Variants in STXBP5L observed in about 807,000 individuals in gnomAD.
STXBP5L encodes syntaxin binding protein 5L, also known as syntaxin-binding protein 5-like.
Under a neutral mutation model 144.5 loss-of-function variants are expected in STXBP5L, and 65 were observed. The observed-to-expected ratio is 0.45, with a 90% CI of 0.37 to 0.55. The LOEUF is 0.55. STXBP5L is among the 20% of genes least tolerant of loss of function. The pLI, the probability that STXBP5L is intolerant of heterozygous loss-of-function variation, is 0.00. For synonymous variants in STXBP5L, 505 were observed against 469.6 expected, an observed-to-expected ratio of 1.08 and a Z score of -0.97; for missense variants, 1,298 against 1,405.5, an observed-to-expected ratio of 0.92 and a Z score of 1.22.
At chr3:121,356,119 G>C (rs35335914) in intron 20 of STXBP5L, among the ~76,000 whole-genome samples, 71,285 of 152,162 alleles carry the variant, frequency 0.47, 17,170 homozygotes, top group East Asian at 0.71. Context: ...TCTACTGGGA[G>C]GTGTCTGCCA....
chr3:120,988,373 A>G (rs1312933484), intron 3 of STXBP5L, among the ~76,000 whole-genome samples: 2 of 151,800 alleles, frequency 1.3e-5, no homozygotes, highest in Non-Finnish European at 2.9e-5. Flanking sequence ...AGCTCCTTAG[A>G]AGTGTACTAA....
At chr3:121,272,545 T>C (rs1006642596) in intron 18 of STXBP5L, among the ~76,000 whole-genome samples, 2 of 152,214 alleles carry the variant, frequency 1.3e-5, no homozygotes, top group East Asian at 3.8e-4. Context: ...CAGCATATAG[T>C]TGGATCTTAA....
rs534986812 is a variant in STXBP5L at position 120,958,851 on chromosome 3, G to A, written c.287+3814G>A. 7.7e-3 allele frequency among the ~76,000 whole-genome samples: 1,178 copies of A among 152,252 alleles called. 8 individuals carry two copies. Among genetic ancestry groups the A allele is most frequent in the Middle Eastern group, 0.017 (5 of 294 alleles). On this transcript the variant is annotated intron_variant, in intron 3 of 26. Transcript: ENST00000471454. ...TCCCTTTGAAAACTGGCACAAGACA[G>A]GGATGCCCTCTCTCACCACTCCTAT...
intron 18 of STXBP5L, among the ~76,000 whole-genome samples, chr3:121,261,700 C>T (rs2050386991): frequency 6.6e-6 from 1 of 152,076 alleles, no homozygotes; most frequent in Admixed American, 6.6e-5. Context: ...ACAAAAACAT[C>T]TGATAAAATT....
At chr3:121,197,473 A>G (rs541236500) in intron 9 of STXBP5L, among the ~76,000 whole-genome samples, 1 of 152,124 alleles carries the variant, frequency 6.6e-6, no homozygotes, top group Non-Finnish European at 1.5e-5. Flanking sequence ...GAATATTTTT[A>G]AAAAATTTAA....
chr3:121,113,571 A>C (rs2044092936), intron 5 of STXBP5L, among the ~76,000 whole-genome samples: 1 of 152,112 alleles, frequency 6.6e-6, no homozygotes, highest in African/African-American at 2.4e-5. Context: ...ATAATATATG[A>C]AGTTTGGTTC....
At chr3:121,106,095 C>T (rs979407619) in intron 5 of STXBP5L, among the ~76,000 whole-genome samples, 5 of 152,090 alleles carry the variant, frequency 3.3e-5, no homozygotes, top group African/African-American at 9.7e-5. Context: ...ATTTTTCTTA[C>T]TGTAATTAAT....
At chr3:121,120,494 G>A (rs1001821121) in intron 6 of STXBP5L, among the ~76,000 whole-genome samples, 2 of 151,110 alleles carry the variant, frequency 1.3e-5, no homozygotes, top group East Asian at 3.9e-4. Context: ...TGCACACTAT[G>A]TTTTGCCATA....
chr3:121,210,122 C>G (rs1216516801), intron 10 of STXBP5L, among the ~76,000 whole-genome samples: 1 of 151,998 alleles, frequency 6.6e-6, no homozygotes, highest in Non-Finnish European at 1.5e-5. Flanking sequence ...TAATGATCGC[C>G]ATTCTAACTG....
chr3:121,168,360 G>A (rs1411997098), intron 9 of STXBP5L, among the ~76,000 whole-genome samples: 1 of 152,170 alleles, frequency 6.6e-6, no homozygotes, highest in East Asian at 1.9e-4. Context: ...GACAGAAGTA[G>A]GCTTCAGGAG....
chr3:121,250,681 AT>A (rs1368487263), intron 14 of STXBP5L, 41 bp from the exon 15 acceptor site: 1 of 1,504,224 alleles, frequency 6.6e-7, no homozygotes, highest in African/African-American at 1.4e-5. Context: ...TATGATTTTT[AT>A]TTAGTATACT....
chr3:121,077,836 A>T (rs1313945871), intron 5 of STXBP5L, among the ~76,000 whole-genome samples: 1 of 152,176 alleles, frequency 6.6e-6, no homozygotes, highest in Non-Finnish European at 1.5e-5. Flanking sequence ...CGATTGGTGC[A>T]TTCACAAACC....
At chr3:120,990,210 T>G (rs953260035) in intron 3 of STXBP5L, among the ~76,000 whole-genome samples, 2 of 152,188 alleles carry the variant, frequency 1.3e-5, no homozygotes, top group Non-Finnish European at 2.9e-5. Context: ...CATTCACAAT[T>G]GCTTCAAAGA....
At chr3:121,120,732 A>G (rs1433716585) in intron 6 of STXBP5L, among the ~76,000 whole-genome samples, 1 of 151,190 alleles carries the variant, frequency 6.6e-6, no homozygotes, top group Admixed American at 6.6e-5. Context: ...TAAGATTTAA[A>G]TCTTCTTCAT....
intron 11 of STXBP5L, among the ~76,000 whole-genome samples, chr3:121,228,453 C>T (rs2049191660): frequency 6.6e-6 from 1 of 152,106 alleles, no homozygotes; most frequent in South Asian, 2.1e-4. Flanking sequence ...AAAAGTAAAA[C>T]CAGAGAAACT....
chr3:121,033,829 A>C (rs1946558516), intron 3 of STXBP5L, among the ~76,000 whole-genome samples: 1 of 152,008 alleles, frequency 6.6e-6, no homozygotes, highest in African/African-American at 2.4e-5. Flanking sequence ...ACTAAATGTC[A>C]CAGCTGAAAA....
At chr3:120,962,048 G>C (rs958063649) in intron 3 of STXBP5L, among the ~76,000 whole-genome samples, 1 of 151,986 alleles carries the variant, frequency 6.6e-6, no homozygotes, top group South Asian at 2.1e-4. Flanking sequence ...TTTTTCATGT[G>C]TCTTTTGGCT....
chr3:121,138,812 C>CAT (rs138096578), intron 7 of STXBP5L, among the ~76,000 whole-genome samples: 15,077 of 151,644 alleles, frequency 0.099, 1,176 homozygotes, highest in Admixed American at 0.2. Context: ...TGGAAGAAAA[C>CAT]AGGGGAAATG....
intron 20 of STXBP5L, among the ~76,000 whole-genome samples, chr3:121,319,744 T>C (rs1416918744): frequency 6.6e-6 from 1 of 152,216 alleles, no homozygotes; most frequent in African/African-American, 2.4e-5. Flanking sequence ...ACTTTGATCA[T>C]ATTTTCCCAT....
Sources: gnomAD v4.1 joint callset for allele counts (sites outside exome capture counted in the v4.1 genomes callset) on GRCh38, gnomAD v4.1.1 for gene constraint, MANE v1.5 for transcripts, NCBI Gene and HGNC (gene_info 2026-07-23, HGNC 2026-07-21) for gene names.